ANKRD42: variants seen among roughly 807,000 people sequenced by gnomAD.
ANKRD42 encodes the protein ankyrin repeat domain 42.
In ANKRD42, 43 loss-of-function variants were observed where a neutral mutation model predicts 51.5. That is an observed-to-expected ratio of 0.83 (90% confidence interval 0.65 to 1.08). ANKRD42 has a LOEUF of 1.08. Among genes scored for constraint, ANKRD42 ranks in the 50% least tolerant of loss-of-function variants. ANKRD42 has a pLI of 0.00. For missense variants in ANKRD42, 608 were observed against 629.3 expected (o/e 0.97, Z 0.36); for synonymous variants, 203 against 213.0 (o/e 0.95, Z 0.41).
intron 2 of ANKRD42, among the ~76,000 whole-genome samples, chr11:83,205,431 T>C (rs1326615399): frequency 6.6e-6 from 1 of 152,246 alleles, no homozygotes; most frequent in East Asian, 1.9e-4. Context: ...TGATCAATTC[T>C]TTTAAAAAGG....
At chr11:83,223,737 T>C (rs1475473378) in intron 5 of ANKRD42, among the ~76,000 whole-genome samples, 4 of 152,204 alleles carry the variant, frequency 2.6e-5, no homozygotes, top group African/African-American at 4.8e-5. Flanking sequence ...TAGATTGATA[T>C]GTGCCAGCAA....
intron 4 of ANKRD42, 33 bp from the exon 5 acceptor site, chr11:83,211,262 G>A (rs751565119): frequency 5.6e-6 from 9 of 1,613,188 alleles, no homozygotes; most frequent in African/African-American, 1.3e-5. Flanking sequence ...ACAAAATGGG[G>A]AGAAACTAAG....
downstream of ANKRD42, chr11:83,257,426 C>A: frequency 2.4e-6 from 1 of 415,994 alleles, no homozygotes; most frequent in South Asian, 1.7e-5. Context: ...GAAGTCAGAA[C>A]TGAACTGAAA....
chr11:83,248,519 C>A lies in ANKRD42; in HGVS notation c.*315C>A. 2.0e-6 allele frequency: 2 copies of A among 1,024,658 alleles called. No homozygotes were observed. Among genetic ancestry groups the A allele is most frequent in the Non-Finnish European group, 2.3e-6 (2 of 855,586 alleles). 63.5% of individuals were successfully genotyped at this position (1,024,658 alleles called of 1,614,324 possible). On this transcript the variant is annotated 3_prime_UTR_variant, in exon 11 of 11. Transcript: ENST00000533342. The stretch of plus-strand genomic sequence containing the variant: ...ATGTATATTTTAATATTCTAAATAA[C>A]CAAAATAAAGTGCTTTGAATGGAAT...
intron 5 of ANKRD42, among the ~76,000 whole-genome samples, chr11:83,220,840 G>T (rs7944607): frequency 0.022 from 3,400 of 152,144 alleles, 108 homozygotes; most frequent in African/African-American, 0.077. Context: ...TTGAGAGTTT[G>T]ATTATTTATT....
intron 9 of ANKRD42, 135 bp downstream of exon 9, chr11:83,241,069 A>G: frequency 3.0e-6 from 3 of 994,038 alleles, no homozygotes; most frequent in Non-Finnish European, 4.3e-6. Context: ...GAGGAACTAG[A>G]ACTAATATAA....
chr11:83,247,322 G>A (rs1460017874), intron 10 of ANKRD42, among the ~76,000 whole-genome samples: 2 of 151,864 alleles, frequency 1.3e-5, no homozygotes, highest in Non-Finnish European at 2.9e-5. Flanking sequence ...ACCTGCCTCC[G>A]CCTCCCAAAG....
chr11:83,262,517 T>A (rs985905757), downstream of ANKRD42, among the ~76,000 whole-genome samples: 2 of 152,176 alleles, frequency 1.3e-5, no homozygotes, highest in African/African-American at 4.8e-5. Flanking sequence ...TTAGCTTACA[T>A]CATTTTGGAT....
At chr11:83,263,694 G>A (rs923806908), downstream of ANKRD42, among the ~76,000 whole-genome samples, 1 of 152,172 alleles carries the variant, frequency 6.6e-6, no homozygotes, top group African/African-American at 2.4e-5. Context: ...TTGGAACTAA[G>A]GAAAGAGGGC....
At chr11:83,240,069 T>C (rs1863342409) in intron 8 of ANKRD42, among the ~76,000 whole-genome samples, 1 of 152,194 alleles carries the variant, frequency 6.6e-6, no homozygotes. Context: ...TTTAAGGTTT[T>C]TATGTTTAGT....
downstream of ANKRD42, among the ~76,000 whole-genome samples, chr11:83,250,234 G>A (rs371644924): frequency 1.1e-4 from 16 of 151,950 alleles, 1 homozygote; most frequent in South Asian, 3.3e-3. Context: ...TAAGATCCTC[G>A]GCCCCCAACA....
At chr11:83,212,549 T>A in intron 5 of ANKRD42, 1 of 976,670 alleles carries the variant, frequency 1.0e-6, no homozygotes, top group Middle Eastern at 2.1e-4. Context: ...CACAGTGAGA[T>A]TGGAGTGAAA....
At chr11:83,212,588 C>T in intron 5 of ANKRD42, 1 of 1,299,170 alleles carries the variant, frequency 7.7e-7, no homozygotes, top group Non-Finnish European at 1.1e-6. Flanking sequence ...CTTAAAGAAA[C>T]AAACACACAA....
intron 2 of ANKRD42, among the ~76,000 whole-genome samples, chr11:83,200,117 G>A (rs1346549968): frequency 6.6e-6 from 1 of 151,918 alleles, no homozygotes; most frequent in Non-Finnish European, 1.5e-5. Flanking sequence ...TGGAGAGAAG[G>A]GGGAAGTACT....
chr11:83,236,786 C>T (rs748441939), intron 8 of ANKRD42, among the ~76,000 whole-genome samples: 1 of 152,188 alleles, frequency 6.6e-6, no homozygotes, highest in East Asian at 1.9e-4. Flanking sequence ...CAGAGACCTT[C>T]ACCAACTGGA....
chr11:83,224,178 A>G (rs1040651867), intron 5 of ANKRD42, among the ~76,000 whole-genome samples: 11 of 151,986 alleles, frequency 7.2e-5, no homozygotes, highest in African/African-American at 2.4e-4. Flanking sequence ...TCTTGTTTAT[A>G]ATAAAAAGAA....
chr11:83,254,680 C>T (rs942470673), intron 11 of ANKRD42, among the ~76,000 whole-genome samples: 11 of 152,000 alleles, frequency 7.2e-5, no homozygotes, highest in African/African-American at 2.4e-4. Context: ...CTTGGCCTCC[C>T]AAAGTGCTGG....
downstream of ANKRD42, among the ~76,000 whole-genome samples, chr11:83,258,586 A>T (rs1441125351): frequency 6.6e-6 from 1 of 152,148 alleles, no homozygotes; most frequent in Non-Finnish European, 1.5e-5. Flanking sequence ...GATACCATCT[A>T]CCTAAGAGGA....
At chr11:83,241,716 T>A (rs763940802) in intron 9 of ANKRD42, among the ~76,000 whole-genome samples, 19 of 152,206 alleles carry the variant, frequency 1.2e-4, no homozygotes, top group Non-Finnish European at 2.6e-4. Context: ...TTCCCCTTTT[T>A]TCACTACAAA....
Sources: allele counts gnomAD v4.1 joint callset (sites outside exome capture counted in the v4.1 genomes callset), GRCh38; gene constraint gnomAD v4.1.1; transcripts MANE v1.5; gene names NCBI Gene and HGNC (gene_info 2026-07-23, HGNC 2026-07-21).